Variants in SH3BGRL observed in about 807,000 individuals in gnomAD.
SH3BGRL encodes SH3 domain binding glutamate rich protein like, also known as adapter SH3BGRL.
In SH3BGRL, 7 loss-of-function variants were observed where a neutral mutation model predicts 9.8. The observed-to-expected ratio is 0.72, with a 90% CI of 0.41 to 1.35. SH3BGRL has a LOEUF of 1.35. Ranked by LOEUF, SH3BGRL falls within the 40% of genes most tolerant of loss-of-function variation. SH3BGRL has a pLI of 0.01. For synonymous variants in SH3BGRL, 36 were observed against 29.1 expected, an observed-to-expected ratio of 1.24 and a Z score of -0.76; for missense variants, 73 against 84.4, an observed-to-expected ratio of 0.86 and a Z score of 0.53.
At chrX:81,227,689 A>G (rs1461130049) in intron 1 of SH3BGRL, among the ~76,000 whole-genome samples, 1 of 112,194 alleles carries the variant, frequency 8.9e-6, no homozygotes, top group Admixed American at 9.5e-5. Flanking sequence ...TTTAAATAAT[A>G]ATAACATTTA....
At chrX:81,273,928 C>A (rs1054969396) in intron 1 of SH3BGRL, among the ~76,000 whole-genome samples, 1 of 111,140 alleles carries the variant, frequency 9.0e-6, no homozygotes, top group Non-Finnish European at 1.9e-5. Context: ...GAGAAGAATA[C>A]CCTGAATCTC....
At chrX:81,283,426 A>T (rs190462537) in intron 3 of SH3BGRL, among the ~76,000 whole-genome samples, 1 of 112,118 alleles carries the variant, frequency 8.9e-6, no homozygotes, top group African/African-American at 3.2e-5. Context: ...TTAAGAGAAT[A>T]CTAGTTAACT....
intron 1 of SH3BGRL, among the ~76,000 whole-genome samples, chrX:81,273,463 T>G: frequency 8.9e-6 from 1 of 112,416 alleles, no homozygotes; most frequent in Non-Finnish European, 1.9e-5. Flanking sequence ...TTAGAGAGTC[T>G]AACAAAGTTC....
At chrX:81,272,089 C>T (rs1412981164) in intron 1 of SH3BGRL, among the ~76,000 whole-genome samples, 2 of 106,463 alleles carry the variant, frequency 1.9e-5, no homozygotes, top group Non-Finnish European at 3.8e-5. Context: ...CCCAGCTACT[C>T]AGGAGGCTGA....
intron 1 of SH3BGRL, among the ~76,000 whole-genome samples, chrX:81,204,530 A>C (rs779478185): frequency 4.5e-5 from 5 of 111,535 alleles, no homozygotes; most frequent in Non-Finnish European, 9.4e-5. Flanking sequence ...AACAGTTAAA[A>C]GCTTCTTTGC....
At chrX:81,204,603 C>A (rs1255644498) in intron 1 of SH3BGRL, among the ~76,000 whole-genome samples, 1 of 109,406 alleles carries the variant, frequency 9.1e-6, no homozygotes, top group Admixed American at 9.7e-5. Flanking sequence ...AAAAAAAAAA[C>A]AACAGATGTT....
At chrX:81,237,024 A>G (rs2075650532) in intron 1 of SH3BGRL, 4 of 760,914 alleles carry the variant, frequency 5.3e-6, no homozygotes, top group African/African-American at 2.2e-5. Flanking sequence ...AAGACTTGAA[A>G]CCATGGAAAT....
At chrX:81,276,189 A>G (rs1432944475) in intron 1 of SH3BGRL, among the ~76,000 whole-genome samples, 1 of 110,022 alleles carries the variant, frequency 9.1e-6, no homozygotes, top group Non-Finnish European at 1.9e-5. Flanking sequence ...ACTGAACTGA[A>G]TAGTATTAAT....
intron 1 of SH3BGRL, among the ~76,000 whole-genome samples, chrX:81,265,842 C>T (rs751763644): frequency 6.3e-5 from 7 of 111,957 alleles, no homozygotes; most frequent in African/African-American, 2.3e-4. Flanking sequence ...AAAAGCATTC[C>T]TATTTTTCCA....
chrX:81,241,629 TC>T (rs1410305424), intron 1 of SH3BGRL, among the ~76,000 whole-genome samples: 1 of 111,748 alleles, frequency 8.9e-6, no homozygotes, highest in Non-Finnish European at 1.9e-5. Flanking sequence ...GAAGCTCATC[TC>T]CTGGCTGAAA....
chrX:81,287,571 A>G (rs921360841), intron 3 of SH3BGRL, among the ~76,000 whole-genome samples: 1 of 111,728 alleles, frequency 9.0e-6, no homozygotes, highest in Non-Finnish European at 1.9e-5. Flanking sequence ...CAAACACTGC[A>G]TGTTCTCATT....
chrX:81,223,457 T>G (rs2075606968), intron 1 of SH3BGRL, among the ~76,000 whole-genome samples: 1 of 111,468 alleles, frequency 9.0e-6, no homozygotes, highest in African/African-American at 3.3e-5. Flanking sequence ...TACCCACTGA[T>G]AAAATACTCA....
In SH3BGRL at chrX:81,275,310, G is replaced by A. The variant is rs57375588; in HGVS notation, c.46-1674G>A. ...TATGGGGTTTTCACACGTTGCCCAGGCCAGTCTCGAATTCCTGGGCTCAAG... is the reference window on the plus strand; with the variant it reads ...TATGGGGTTTTCACACGTTGCCCAGACCAGTCTCGAATTCCTGGGCTCAAG... On this transcript the variant is annotated intron_variant, in intron 1 of 3. Coordinates refer to ENST00000373212, the MANE Select transcript of SH3BGRL (RefSeq NM_003022.3). 3.5e-3 allele frequency among the ~76,000 whole-genome samples: 387 copies of A among 110,876 alleles called. 1 individual carries two copies. The highest frequency in any genetic ancestry group is 0.012 in the African/African-American group (358 of 30,518).
At chrX:81,228,839 A>G (rs1209856093) in intron 1 of SH3BGRL, among the ~76,000 whole-genome samples, 3 of 112,153 alleles carry the variant, frequency 2.7e-5, no homozygotes, top group Admixed American at 9.4e-5. Context: ...TCATTTCTCA[A>G]CACAGTGACA....
intron 1 of SH3BGRL, among the ~76,000 whole-genome samples, chrX:81,256,144 A>G (rs2075724830): frequency 8.9e-6 from 1 of 112,127 alleles, no homozygotes; most frequent in Non-Finnish European, 1.9e-5. Flanking sequence ...CACAGTGAAC[A>G]CTAGCTAAGT....
intron 1 of SH3BGRL, among the ~76,000 whole-genome samples, chrX:81,269,322 T>G (rs1325738873): frequency 1.8e-5 from 2 of 111,832 alleles, no homozygotes; most frequent in African/African-American, 6.5e-5. Flanking sequence ...TGATGGTCTT[T>G]ATAATTTGGC....
At chrX:81,270,314 T>G (rs2075773999) in intron 1 of SH3BGRL, among the ~76,000 whole-genome samples, 1 of 111,794 alleles carries the variant, frequency 8.9e-6, no homozygotes. Flanking sequence ...TTTTTGCAAT[T>G]TTCCACCTTT....
At chrX:81,284,481 G>C (rs1372900369) in intron 3 of SH3BGRL, among the ~76,000 whole-genome samples, 1 of 110,693 alleles carries the variant, frequency 9.0e-6, no homozygotes, top group African/African-American at 3.3e-5. Flanking sequence ...ATTAAAGCTA[G>C]CCATGGGATC....
Position 81,235,076 on chromosome X carries a change from C to T in SH3BGRL, c.45+32831C>T, listed in dbSNP as rs990407350. On this transcript the variant is annotated intron_variant, in intron 1 of 3. Transcript: ENST00000373212. Reference sequence around the variant, plus strand: ...TCAGAGAGTCCCTTTCTTTATCTGTCAAATGAAGACAGTAATACCAACATC... The same window carrying T: ...TCAGAGAGTCCCTTTCTTTATCTGTTAAATGAAGACAGTAATACCAACATC... Among the ~76,000 whole-genome samples, 4 of 111,487 alleles carry T rather than the reference C, an allele frequency of 3.6e-5. No individual in the cohort carries two copies. The East Asian group carries it at 1.1e-3, about 31-fold the overall frequency.
Sources: gnomAD v4.1 joint callset for allele counts (sites outside exome capture counted in the v4.1 genomes callset) on GRCh38, gnomAD v4.1.1 for gene constraint, MANE v1.5 for transcripts, NCBI Gene and HGNC (gene_info 2026-07-23, HGNC 2026-07-21) for gene names.